The following PHACTR1 variants were observed in gnomAD, a reference collection of about 807,000 sequenced individuals.
The protein encoded by PHACTR1 is phosphatase and actin regulator 1.
PHACTR1 carries 16 observed loss-of-function variants against 69.2 expected under a neutral mutation model. The ratio of observed to expected loss-of-function variants is 0.23; its 90% confidence interval spans 0.16 to 0.35. PHACTR1 has a LOEUF of 0.35. PHACTR1 is among the 10% of genes least tolerant of loss of function. The pLI, the probability that PHACTR1 is intolerant of heterozygous loss-of-function variation, is 1.00. For synonymous variants in PHACTR1, 312 were observed against 284.5 expected (o/e 1.10, Z -0.97); for missense variants, 510 against 734.7 (o/e 0.69, Z 3.54).
intron 5 of PHACTR1, among the ~76,000 whole-genome samples, chr6:13,084,731 GA>G (rs1302748044): frequency 6.6e-6 from 1 of 152,008 alleles, no homozygotes; most frequent in Non-Finnish European, 1.5e-5. Flanking sequence ...TGTATAAGAA[GA>G]GGGGGTGGCG....
chr6:12,921,540 GGAAAGGA>G, intron 4 of PHACTR1, among the ~76,000 whole-genome samples: 1 of 138,030 alleles, frequency 7.2e-6, no homozygotes, highest in African/African-American at 2.7e-5. Flanking sequence ...GAGGGAGGAG[GGAAAGGA>G]GGAAGGAGGA....
At chr6:12,764,647 T>G (rs1768396750) in intron 4 of PHACTR1, among the ~76,000 whole-genome samples, 1 of 152,202 alleles carries the variant, frequency 6.6e-6, no homozygotes, top group Non-Finnish European at 1.5e-5. Flanking sequence ...TGGCCCTGCC[T>G]AGGATATGGA....
intron 4 of PHACTR1, among the ~76,000 whole-genome samples, chr6:12,949,017 T>G (rs1454866310): frequency 6.6e-6 from 1 of 152,130 alleles, no homozygotes; most frequent in Non-Finnish European, 1.5e-5. Context: ...ACGCCTGTAA[T>G]CCCAGCACTT....
At position 13,205,849 on chromosome 6, in the gene PHACTR1, A is replaced by G; in HGVS notation, c.699A>G (p.Pro233=). Residue 233 remains proline, a synonymous_variant, in exon 8 of 15, where the codon CCA becomes CCG. Transcript: ENST00000332995. The part of the protein sequence containing the change: ...PGAPVKLPCL[P]VKLSPPLPPK... ...CCCCTGTGAAATTGCCTTGTCTGCC[A>G]GTGAAACTGTCGCCTCCGCTACCTC... 6.3e-7 allele frequency: 1 copy of G among 1,594,366 alleles called. No homozygotes were observed. The highest frequency in any genetic ancestry group is 8.6e-7 in the Non-Finnish European group (1 of 1,164,060).
chr6:13,027,685 T>TC (rs955327347), intron 4 of PHACTR1, among the ~76,000 whole-genome samples: 1 of 151,394 alleles, frequency 6.6e-6, no homozygotes, highest in African/African-American at 2.4e-5. Context: ...TATGTGGAAT[T>TC]TTTTTTTTGA....
At chr6:12,855,339 C>G (rs1249679169) in intron 4 of PHACTR1, among the ~76,000 whole-genome samples, 1 of 152,136 alleles carries the variant, frequency 6.6e-6, no homozygotes, top group Non-Finnish European at 1.5e-5. Context: ...GTAGTTCCAG[C>G]TTTTCAGGAG....
intron 3 of PHACTR1, among the ~76,000 whole-genome samples, chr6:12,747,677 A>G (rs1418957513): frequency 2.0e-5 from 3 of 152,052 alleles, no homozygotes; most frequent in Admixed American, 6.6e-5. Context: ...TTTAATTACT[A>G]TATGCTGGGT....
At chr6:13,171,245 G>A (rs1418811333) in intron 6 of PHACTR1, among the ~76,000 whole-genome samples, 2 of 150,076 alleles carry the variant, frequency 1.3e-5, no homozygotes, top group East Asian at 4.1e-4. Flanking sequence ...GGCCATGTGT[G>A]CCTCTGTAGT....
chr6:13,053,414 A>G lies in PHACTR1; in HGVS notation c.300A>G (p.Pro100=). ...LAAMRSDSLV[P]GTHTPPIRRR... is the part of the protein sequence containing the mutation. Reference sequence around the variant, plus strand: ...CGATGCGTTCTGACTCCCTCGTCCCAGGCACCCACACCCCACCCATCCGCA... The same window carrying G: ...CGATGCGTTCTGACTCCCTCGTCCCGGGCACCCACACCCCACCCATCCGCA... The change falls in exon 5 of 15, where the codon CCA becomes CCG. Residue 100 remains proline, a synonymous_variant. Coordinates refer to ENST00000332995, the MANE Select transcript of PHACTR1 (RefSeq NM_030948.6). The G allele has an allele frequency of 6.2e-7, 1 of 1,613,322 alleles. No homozygotes were observed. Among genetic ancestry groups the G allele is most frequent in the Non-Finnish European group, 8.5e-7 (1 of 1,179,646 alleles).
intron 5 of PHACTR1, among the ~76,000 whole-genome samples, chr6:13,157,005 T>G (rs1012396583): frequency 6.6e-5 from 10 of 152,206 alleles, no homozygotes; most frequent in African/African-American, 2.2e-4. Flanking sequence ...AAGTGAATGT[T>G]CATCTTTCAT....
At chr6:12,838,367 TC>T (rs1277572170) in intron 4 of PHACTR1, among the ~76,000 whole-genome samples, 7 of 152,118 alleles carry the variant, frequency 4.6e-5, no homozygotes, top group African/African-American at 1.7e-4. Context: ...GATGCCTGTC[TC>T]CTCCTTTCCT....
chr6:12,859,346 A>G (rs1780712914), intron 4 of PHACTR1, among the ~76,000 whole-genome samples: 1 of 152,214 alleles, frequency 6.6e-6, no homozygotes, highest in African/African-American at 2.4e-5. Flanking sequence ...ATATCAGCGA[A>G]TGATACTTAC....
chr6:12,815,180 G>A (rs1405873520), intron 4 of PHACTR1, among the ~76,000 whole-genome samples: 1 of 152,162 alleles, frequency 6.6e-6, no homozygotes, highest in East Asian at 1.9e-4. Flanking sequence ...TTAACAACCT[G>A]TAGATAACTG....
At chr6:12,728,522 C>T (rs1328249934) in intron 3 of PHACTR1, among the ~76,000 whole-genome samples, 2 of 152,050 alleles carry the variant, frequency 1.3e-5, no homozygotes, top group African/African-American at 4.8e-5. Flanking sequence ...AATTGCACAG[C>T]TCTGAGTTCA....
At position 13,230,106 on chromosome 6, in the gene PHACTR1, G is replaced by A. The variant is rs1461758403; in HGVS notation, c.1304G>A (p.Arg435Gln). Residue 435 changes from arginine to glutamine, a missense_variant, in exon 10 of 15, where the codon CGA becomes CAA. By Grantham distance (43) the Arg-to-Gln change is conservative (BLOSUM62 1). This residue lies in a region of PHACTR1 where 91 missense variants were observed against 203.8 expected (regional missense o/e 0.45). Transcript: ENST00000332995. The part of the protein sequence containing the change: ...AIKLSNRPSK[R>Q]ELEEKNILPR... Reference sequence around the variant, plus strand: ...AAACTCAGCAACAGGCCCTCCAAGCGAGAGCTGGAAGAAAAGAACATCCTT... The same window carrying A: ...AAACTCAGCAACAGGCCCTCCAAGCAAGAGCTGGAAGAAAAGAACATCCTT... The A allele has an allele frequency of 1.9e-6, 3 of 1,611,324 alleles. No homozygotes were observed. Among genetic ancestry groups the A allele is most frequent in the Non-Finnish European group, 2.5e-6 (3 of 1,178,870 alleles).
chr6:12,906,819 A>C (rs1785784445), intron 4 of PHACTR1, among the ~76,000 whole-genome samples: 1 of 152,216 alleles, frequency 6.6e-6, no homozygotes, highest in East Asian at 1.9e-4. Flanking sequence ...TGGTTGGGTC[A>C]CGTGTCCACT....
chr6:13,058,146 G>C (rs932252340), intron 5 of PHACTR1, among the ~76,000 whole-genome samples: 24 of 152,150 alleles, frequency 1.6e-4, no homozygotes, highest in Non-Finnish European at 8.8e-5. Context: ...CCTGCCCCAG[G>C]AATGAAGACA....
intron 3 of PHACTR1, among the ~76,000 whole-genome samples, chr6:12,747,743 T>G (rs1028251494): frequency 2.6e-5 from 4 of 152,042 alleles, no homozygotes; most frequent in African/African-American, 7.2e-5. Flanking sequence ...GAACAGGAAA[T>G]GTTTATAGTT....
At chr6:13,144,651 AGCTGCTTGGGAG>A (rs1333201799) in intron 5 of PHACTR1, among the ~76,000 whole-genome samples, 7 of 151,936 alleles carry the variant, frequency 4.6e-5, no homozygotes, top group Non-Finnish European at 8.8e-5. Context: ...CTGTAGTCCC[AGCTGCTTGGGAG>A]GCTGAGGTGG....
Sources: allele counts gnomAD v4.1 joint callset (sites outside exome capture counted in the v4.1 genomes callset), GRCh38; gene constraint gnomAD v4.1.1; regional missense constraint gnomAD v4.1.1; transcripts MANE v1.5; gene names NCBI Gene and HGNC (gene_info 2026-07-23, HGNC 2026-07-21).